CTNND2: variants seen among roughly 807,000 people sequenced by gnomAD.
CTNND2 encodes catenin delta 2, also known as catenin delta-2.
In CTNND2, 22 loss-of-function variants were observed where a neutral mutation model predicts 144.4. The observed-to-expected ratio is 0.15, with a 90% confidence interval of 0.11 to 0.22. The LOEUF (loss-of-function observed/expected upper bound fraction) is 0.22, where lower values mean the gene tolerates loss of function less well. Ranked by LOEUF, CTNND2 falls within the 10% of genes least tolerant of loss-of-function variation. The pLI, the probability that CTNND2 is intolerant of heterozygous loss-of-function variation, is 1.00. For synonymous variants in CTNND2, 751 were observed against 695.6 expected, an observed-to-expected ratio of 1.08 and a Z score of -1.25; for missense variants, 1,353 against 1,618.8, an observed-to-expected ratio of 0.84 and a Z score of 2.82.
At chr5:11,128,598 C>G (rs888255748) in intron 12 of CTNND2, among the ~76,000 whole-genome samples, 1 of 147,676 alleles carries the variant, frequency 6.8e-6, no homozygotes, top group South Asian at 2.1e-4. Context: ...GCACCGTCTC[C>G]GATGCCTCAT....
chr5:11,490,955 T>C (rs1769330112), intron 3 of CTNND2, among the ~76,000 whole-genome samples: 1 of 152,064 alleles, frequency 6.6e-6, no homozygotes. Flanking sequence ...ACCACCACAG[T>C]CTAGCCTGGG....
At chr5:11,873,575 G>A (rs1397654371) in intron 1 of CTNND2, among the ~76,000 whole-genome samples, 1 of 152,182 alleles carries the variant, frequency 6.6e-6, no homozygotes, top group African/African-American at 2.4e-5. Flanking sequence ...ATAAAAACAT[G>A]TTGTGTATAA....
At chr5:11,404,465 CA>C (rs1760904721) in intron 5 of CTNND2, among the ~76,000 whole-genome samples, 1 of 151,988 alleles carries the variant, frequency 6.6e-6, no homozygotes, top group Admixed American at 6.6e-5. Context: ...ATACATTTAA[CA>C]AAATAAATGA....
chr5:11,576,313 G>A (rs957332812), intron 2 of CTNND2, among the ~76,000 whole-genome samples: 1 of 151,638 alleles, frequency 6.6e-6, no homozygotes, highest in Non-Finnish European at 1.5e-5. Context: ...GAATATTTTA[G>A]TGAATCCTAA....
At chr5:11,534,788 T>C (rs1774062491) in intron 3 of CTNND2, among the ~76,000 whole-genome samples, 3 of 152,310 alleles carry the variant, frequency 2.0e-5, no homozygotes, top group South Asian at 4.1e-4. Flanking sequence ...CTAAATATTC[T>C]AAGAAATATG....
chr5:11,360,528 G>A (rs756430686), intron 8 of CTNND2, among the ~76,000 whole-genome samples: 1 of 152,114 alleles, frequency 6.6e-6, no homozygotes, highest in Non-Finnish European at 1.5e-5. Context: ...GCGTACAGCT[G>A]TAGCACCGAA....
chr5:11,742,524 T>C (rs1331619267), intron 1 of CTNND2, among the ~76,000 whole-genome samples: 1 of 152,094 alleles, frequency 6.6e-6, no homozygotes, highest in East Asian at 1.9e-4. Flanking sequence ...CTCCCTGTTC[T>C]TGATCCTATG....
intron 1 of CTNND2, among the ~76,000 whole-genome samples, chr5:11,775,951 G>A (rs1790229347): frequency 6.6e-6 from 1 of 152,102 alleles, no homozygotes; most frequent in South Asian, 2.1e-4. Context: ...TGAAGGTGGA[G>A]GTAGAGGGTA....
intron 9 of CTNND2, among the ~76,000 whole-genome samples, chr5:11,260,942 T>C (rs904198942): frequency 2.6e-5 from 4 of 152,144 alleles, no homozygotes; most frequent in African/African-American, 9.7e-5. Context: ...ATATCCGTAA[T>C]TATGACGGGC....
intron 12 of CTNND2, among the ~76,000 whole-genome samples, chr5:11,125,598 C>T (rs1754597804): frequency 6.6e-6 from 1 of 152,220 alleles, no homozygotes. Flanking sequence ...AGAGACCTCC[C>T]AGCCCAGAGG....
intron 9 of CTNND2, among the ~76,000 whole-genome samples, chr5:11,328,593 AT>A (rs1323240787): frequency 6.6e-6 from 1 of 152,172 alleles, no homozygotes; most frequent in African/African-American, 2.4e-5. Flanking sequence ...GGCATGAGCC[AT>A]TGCGTCCAAT....
At chr5:11,830,983 A>G (rs1793868520) in intron 1 of CTNND2, among the ~76,000 whole-genome samples, 1 of 152,238 alleles carries the variant, frequency 6.6e-6, no homozygotes, top group Non-Finnish European at 1.5e-5. Flanking sequence ...AGTGTAATAA[A>G]ATATATTTGA....
chr5:11,165,722 T>C (rs916565040), intron 11 of CTNND2, among the ~76,000 whole-genome samples: 3 of 152,236 alleles, frequency 2.0e-5, no homozygotes, highest in Admixed American at 1.3e-4. Context: ...ACAGAATGGC[T>C]CTTTTCCTTG....
chr5:11,828,224 T>C (rs1173044252), intron 1 of CTNND2, among the ~76,000 whole-genome samples: 3 of 152,142 alleles, frequency 2.0e-5, no homozygotes, highest in South Asian at 2.1e-4. Context: ...TAAGATCTGA[T>C]GGTTTTAAAA....
intron 8 of CTNND2, among the ~76,000 whole-genome samples, chr5:11,361,399 T>C (rs1190842954): frequency 6.6e-6 from 1 of 152,118 alleles, no homozygotes; most frequent in Non-Finnish European, 1.5e-5. Context: ...CAAGCGATTC[T>C]CTCATCTAGG....
Position 11,412,457 on chromosome 5 carries a change from C to T in CTNND2, c.288-388G>A, listed in dbSNP as rs933621379. ...TAGCCTAATAAGGAAATAACTATCC[C>T]TTTTTTTATTAGAGAGATGAAATAA... is the stretch of plus-strand genomic sequence containing the variant. On this transcript the variant is annotated intron_variant, in intron 3 of 21. Transcript: ENST00000304623. Among the ~76,000 whole-genome samples the T allele has an allele frequency of 1.3e-4, 20 of 152,140 alleles. 1 individual carries two copies. The East Asian group carries it at 1.5e-3, about 12-fold the overall frequency.
chr5:11,053,366 C>T (rs558745152), intron 16 of CTNND2, among the ~76,000 whole-genome samples: 1 of 152,170 alleles, frequency 6.6e-6, no homozygotes, highest in Non-Finnish European at 1.5e-5. Flanking sequence ...AAAGCATATT[C>T]AATACTGAAG....
At chr5:11,549,460 C>A (rs1004743955) in intron 3 of CTNND2, among the ~76,000 whole-genome samples, 24 of 152,134 alleles carry the variant, frequency 1.6e-4, no homozygotes, top group Non-Finnish European at 1.6e-4. Flanking sequence ...ATCCACTCAC[C>A]CCCAACAGGC....
chr5:11,737,451 T>A (rs1787749121), intron 1 of CTNND2, among the ~76,000 whole-genome samples: 1 of 152,184 alleles, frequency 6.6e-6, no homozygotes, highest in Admixed American at 6.5e-5. Context: ...GACAGACCCA[T>A]CTTCCACATG....
Sources: gnomAD v4.1 joint callset for allele counts (sites outside exome capture counted in the v4.1 genomes callset) on GRCh38, gnomAD v4.1.1 for gene constraint, MANE v1.5 for transcripts, NCBI Gene and HGNC (gene_info 2026-07-23, HGNC 2026-07-21) for gene names.